Variants in GPAT4 observed in about 807,000 individuals in gnomAD.
GPAT4 encodes 1-AGP acyltransferase 6.
GPAT4 carries 17 observed loss-of-function variants against 58.0 expected under a neutral mutation model. The ratio of observed to expected loss-of-function variants is 0.29; its 90% confidence interval spans 0.20 to 0.44. GPAT4 has a LOEUF of 0.44. Ranked by LOEUF, GPAT4 falls within the 20% of genes least tolerant of loss-of-function variation. The pLI is 1.00. For synonymous variants in GPAT4, 204 were observed against 210.1 expected, an observed-to-expected ratio of 0.97 and a Z score of 0.25; for missense variants, 377 against 574.5, an observed-to-expected ratio of 0.66 and a Z score of 3.51.
intron 1 of GPAT4, among the ~76,000 whole-genome samples, chr8:41,587,385 C>G (rs1209704231): frequency 6.8e-6 from 1 of 146,568 alleles, no homozygotes; most frequent in Non-Finnish European, 1.5e-5. Context: ...TTCCCCTTCT[C>G]CTTCCTAGTG....
chr8:41,602,151 C>T (rs952517171), intron 2 of GPAT4, among the ~76,000 whole-genome samples: 11 of 152,140 alleles, frequency 7.2e-5, no homozygotes, highest in African/African-American at 2.2e-4. Flanking sequence ...GACAGGGTTT[C>T]GCCATGTTGC....
chr8:41,582,247 AC>A (rs1481332341), intron 1 of GPAT4, among the ~76,000 whole-genome samples: 2 of 146,690 alleles, frequency 1.4e-5, no homozygotes, highest in Non-Finnish European at 3.0e-5. Flanking sequence ...CAGGTGATCC[AC>A]CCACCTCAGC....
At chr8:41,612,348 A>G (rs1803469850) in intron 7 of GPAT4, 75 bp downstream of exon 7, 1 of 1,458,374 alleles carries the variant, frequency 6.9e-7, no homozygotes, top group Admixed American at 1.8e-5. Context: ...AGGCTCCTGG[A>G]CCCTTCACAT....
chr8:41,619,189 G>GA, intron 12 of GPAT4: 1 of 612,422 alleles, frequency 1.6e-6, no homozygotes, highest in Non-Finnish European at 2.9e-6. Context: ...TGAGGCAGTT[G>GA]ATTCTGTGTA....
intron 2 of GPAT4, among the ~76,000 whole-genome samples, chr8:41,600,083 G>A (rs1585661196): frequency 1.6e-5 from 2 of 128,842 alleles, no homozygotes; most frequent in South Asian, 4.9e-4. Flanking sequence ...CTGTCGCCCA[G>A]GCTGGAATGC....
At chr8:41,620,812 GC>G (rs1803725988) in intron 12 of GPAT4, 80 bp from the exon 13 acceptor site, 9 of 1,527,400 alleles carry the variant, frequency 5.9e-6, no homozygotes, top group Non-Finnish European at 8.0e-6. Flanking sequence ...TGGTGTTTGG[GC>G]AGCATGGTGC....
At chr8:41,581,330 T>G (rs1463470842) in intron 1 of GPAT4, among the ~76,000 whole-genome samples, 7 of 152,232 alleles carry the variant, frequency 4.6e-5, no homozygotes, top group Non-Finnish European at 5.9e-5. Flanking sequence ...AGGGCTCTCT[T>G]CATTTTGCCT....
intron 2 of GPAT4, among the ~76,000 whole-genome samples, chr8:41,603,899 A>ATGAATGAG (rs1554502828): frequency 6.6e-6 from 1 of 151,132 alleles, no homozygotes; most frequent in Non-Finnish European, 1.5e-5. Context: ...GCTGCACAGA[A>ATGAATGAG]TGAATGAATG....
At chr8:41,593,383 G>T (rs1802844581) in intron 1 of GPAT4, among the ~76,000 whole-genome samples, 1 of 152,208 alleles carries the variant, frequency 6.6e-6, no homozygotes, top group Non-Finnish European at 1.5e-5. Flanking sequence ...CAAAAAGACA[G>T]TTTTAACTTT....
intron 10 of GPAT4, among the ~76,000 whole-genome samples, chr8:41,616,525 A>G (rs1358562773): frequency 6.6e-6 from 1 of 152,028 alleles, no homozygotes; most frequent in Non-Finnish European, 1.5e-5. Flanking sequence ...GAACTCCTGG[A>G]CTCAAGTGAT....
At chr8:41,594,395 C>T (rs1387251130) in intron 1 of GPAT4, among the ~76,000 whole-genome samples, 2 of 152,100 alleles carry the variant, frequency 1.3e-5, no homozygotes, top group Non-Finnish European at 2.9e-5. Context: ...ATATACCTTG[C>T]ACATAAACTG....
chr8:41,609,581 AG>A (rs1409035887), intron 3 of GPAT4, 73 bp from the exon 4 acceptor site: 4 of 1,602,242 alleles, frequency 2.5e-6, no homozygotes, highest in Non-Finnish European at 3.4e-6. Flanking sequence ...GCATTAGTGC[AG>A]GATGTGTGCT....
intron 2 of GPAT4, among the ~76,000 whole-genome samples, chr8:41,605,601 G>A (rs762205291): frequency 6.6e-6 from 1 of 151,984 alleles, no homozygotes; most frequent in Non-Finnish European, 1.5e-5. Flanking sequence ...TTGAGACAGA[G>A]TCTCCCTCTG....
Position 41,592,142 on chromosome 8 carries a change from A to G in GPAT4, c.-848-6150A>G, listed in dbSNP as rs77710884. 5.6e-4 allele frequency among the ~76,000 whole-genome samples: 85 copies of G among 152,336 alleles called. 1 individual carries two copies. The East Asian group carries it at 0.014, about 25-fold the overall frequency. ...TTCTTTTTTTGCAGGAAGCATAGAC[A>G]GGGAAGCCCAGGAGTTTACCTGTTT... is the stretch of plus-strand genomic sequence containing the variant. On this transcript the variant is annotated intron_variant, in intron 1 of 12. Coordinates refer to ENST00000396987, the MANE Select transcript of GPAT4 (RefSeq NM_178819.4).
At chr8:41,611,845 CTCTT>C (rs1803453977) in intron 5 of GPAT4, 54 bp from the exon 6 acceptor site, 3 of 1,531,632 alleles carry the variant, frequency 2.0e-6, no homozygotes, top group East Asian at 2.2e-5. Context: ...AAGTCAGTAA[CTCTT>C]TCTGTCTTCC....
At chr8:41,602,877 T>C (rs1005184938) in intron 2 of GPAT4, among the ~76,000 whole-genome samples, 1 of 152,134 alleles carries the variant, frequency 6.6e-6, no homozygotes, top group Non-Finnish European at 1.5e-5. Flanking sequence ...ATCTGTCTTC[T>C]CTCTGTGCCC....
chr8:41,618,634 A>G, intron 10 of GPAT4, 50 bp from the exon 11 acceptor site: 1 of 1,604,624 alleles, frequency 6.2e-7, no homozygotes, highest in South Asian at 1.1e-5. Flanking sequence ...GGACTCGCAA[A>G]CGTTGTGAGA....
At chr8:41,598,120 CT>C (rs1171212383) in intron 1 of GPAT4, among the ~76,000 whole-genome samples, 171 bp from the exon 2 acceptor site, 9 of 152,196 alleles carry the variant, frequency 5.9e-5, no homozygotes, top group Non-Finnish European at 1.2e-4. Context: ...ACATTCATGT[CT>C]GCCACCTGTT....
chr8:41,599,215 C>A lies in GPAT4; in HGVS notation c.76C>A (p.Leu26Ile), dbSNP rs1361225602. 2.5e-6 allele frequency: 4 copies of A among 1,614,100 alleles called. No homozygotes were observed. In the South Asian group the frequency reaches 4.4e-5, roughly 18 times the overall value. Reference sequence around the variant, plus strand: ...CTCCCTGACTGTCCTCTTCACCCTCCTTCTCGTTTTCATCATAGTGCCAGC... The same window carrying A: ...CTCCCTGACTGTCCTCTTCACCCTCATTCTCGTTTTCATCATAGTGCCAGC... ...GISLTVLFTL[L>I]LVFIIVPAIF... Residue 26 changes from leucine (L) to isoleucine (I), a missense_variant, in exon 2 of 13, where the codon CTT becomes ATT. By Grantham distance (5) the Leu-to-Ile change is conservative. Coordinates refer to ENST00000396987, the MANE Select transcript of GPAT4 (RefSeq NM_178819.4).
Sources: gnomAD v4.1 joint callset for allele counts (sites outside exome capture counted in the v4.1 genomes callset) on GRCh38, gnomAD v4.1.1 for gene constraint, MANE v1.5 for transcripts, NCBI Gene and HGNC (gene_info 2026-07-23, HGNC 2026-07-21) for gene names.